The following SLC9A9 variants were observed in gnomAD, a reference collection of about 807,000 sequenced individuals.
SLC9A9 encodes the protein solute carrier family 9 member A9.
In SLC9A9, 62 loss-of-function variants were observed where a neutral mutation model predicts 77.8. That is an observed-to-expected ratio of 0.80 (90% CI 0.65 to 0.98). SLC9A9 has a LOEUF of 0.98. SLC9A9 is among the 50% of genes least tolerant of loss of function. The pLI is 0.00. For missense variants in SLC9A9, 775 were observed against 774.9 expected (o/e 1.00, Z 0.00); for synonymous variants, 320 against 283.5 (o/e 1.13, Z -1.29).
intron 6 of SLC9A9, among the ~76,000 whole-genome samples, chr3:143,631,476 G>A (rs1457258440): frequency 6.6e-6 from 1 of 152,134 alleles, no homozygotes; most frequent in Non-Finnish European, 1.5e-5. Context: ...TATTACAGGT[G>A]ACAAATTCAA....
intron 6 of SLC9A9, among the ~76,000 whole-genome samples, chr3:143,621,286 G>A (rs2038208198): frequency 6.6e-6 from 1 of 152,238 alleles, no homozygotes; most frequent in Admixed American, 6.5e-5. Context: ...CCAGCATGCA[G>A]CTGGAGATCT....
intron 14 of SLC9A9, among the ~76,000 whole-genome samples, chr3:143,324,927 C>G (rs552838040): frequency 3.3e-4 from 51 of 152,276 alleles, no homozygotes; most frequent in Non-Finnish European, 6.6e-4. Flanking sequence ...TACACTAATT[C>G]AGCTTAATCT....
intron 5 of SLC9A9, among the ~76,000 whole-genome samples, chr3:143,674,207 G>C (rs1015453465): frequency 1.3e-5 from 2 of 152,102 alleles, no homozygotes; most frequent in African/African-American, 4.8e-5. Flanking sequence ...TTAAGGAAGT[G>C]GAAAGTGAGG....
At chr3:143,747,706 T>C (rs1935228508) in intron 4 of SLC9A9, among the ~76,000 whole-genome samples, 1 of 152,198 alleles carries the variant, frequency 6.6e-6, no homozygotes, top group African/African-American at 2.4e-5. Flanking sequence ...CAACAGCCTC[T>C]GGGAAAAAAG....
intron 14 of SLC9A9, among the ~76,000 whole-genome samples, chr3:143,302,729 A>T (rs2030579754): frequency 6.6e-6 from 1 of 152,218 alleles, no homozygotes; most frequent in Non-Finnish European, 1.5e-5. Context: ...TACTGGGAAC[A>T]GACAGAATGA....
At chr3:143,723,263 T>C (rs542894266) in intron 4 of SLC9A9, among the ~76,000 whole-genome samples, 17 of 150,814 alleles carry the variant, frequency 1.1e-4, no homozygotes, top group Admixed American at 7.9e-4. Context: ...AAAAAAAAAA[T>C]GAAACAAAAA....
In SLC9A9 at chr3:143,841,871, G is replaced by A. The variant is rs552929769; in HGVS notation, c.175+6277C>T. Among the ~76,000 whole-genome samples, 496 of 151,648 alleles carry A rather than the reference G, an allele frequency of 3.3e-3. 4 individuals are homozygous for A. Among genetic ancestry groups the A allele is most frequent in the Middle Eastern group, 6.8e-3 (2 of 292 alleles). On this transcript the variant is annotated intron_variant, in intron 1 of 15. Transcript: ENST00000316549. ...TGAGTTCAAGCAATTCTCCTGCCTC[G>A]GCCTCCCGAGTAGCTCGGATTACAG...
intron 14 of SLC9A9, among the ~76,000 whole-genome samples, chr3:143,352,494 C>A (rs1684015872): frequency 7.5e-6 from 1 of 133,324 alleles, no homozygotes; most frequent in South Asian, 2.2e-4. Flanking sequence ...GTGTCTGTTT[C>A]CTTTGGAAAA....
At chr3:143,433,942 T>G (rs1473499432) in intron 12 of SLC9A9, among the ~76,000 whole-genome samples, 1 of 152,184 alleles carries the variant, frequency 6.6e-6, no homozygotes, top group Admixed American at 6.5e-5. Flanking sequence ...TGCCTTTCAC[T>G]GTCTACCTCT....
chr3:143,567,336 T>C (rs1246850791), intron 8 of SLC9A9, among the ~76,000 whole-genome samples: 1 of 152,146 alleles, frequency 6.6e-6, no homozygotes, highest in Non-Finnish European at 1.5e-5. Context: ...GCTGATTTTG[T>C]AAGTATGGCA....
chr3:143,796,938 T>C, intron 2 of SLC9A9, 35 bp from the exon 3 acceptor site: 1 of 1,520,882 alleles, frequency 6.6e-7, no homozygotes, highest in Non-Finnish European at 9.1e-7. Context: ...GTTAGAATGA[T>C]GCTCCTTTGG....
intron 6 of SLC9A9, among the ~76,000 whole-genome samples, chr3:143,588,275 C>T (rs1033537272): frequency 7.2e-5 from 11 of 152,152 alleles, no homozygotes; most frequent in African/African-American, 2.2e-4. Context: ...TTTCCAATTT[C>T]CTCCAGGCCT....
intron 4 of SLC9A9, among the ~76,000 whole-genome samples, chr3:143,790,403 C>T (rs953542556): frequency 6.6e-6 from 1 of 152,168 alleles, no homozygotes; most frequent in Admixed American, 6.5e-5. Flanking sequence ...ATATTCACAG[C>T]CAATTCTGAA....
intron 5 of SLC9A9, among the ~76,000 whole-genome samples, chr3:143,681,548 C>G (rs375117532): frequency 1.3e-3 from 202 of 152,260 alleles, no homozygotes; most frequent in Non-Finnish European, 1.1e-3. Context: ...AGCTTATATT[C>G]TAGGCATTGG....
intron 12 of SLC9A9, among the ~76,000 whole-genome samples, chr3:143,385,219 T>A (rs1576462369): frequency 6.6e-6 from 1 of 152,126 alleles, no homozygotes; most frequent in Non-Finnish European, 1.5e-5. Context: ...TGTTGACATA[T>A]TGTCCCTATG....
At chr3:143,498,853 A>C (rs2035883934) in intron 9 of SLC9A9, among the ~76,000 whole-genome samples, 1 of 152,202 alleles carries the variant, frequency 6.6e-6, no homozygotes, top group Non-Finnish European at 1.5e-5. Flanking sequence ...TTGACTCAGC[A>C]ATATGTTTGT....
chr3:143,490,766 T>C (rs12486916), intron 11 of SLC9A9, among the ~76,000 whole-genome samples: 34,699 of 152,082 alleles, frequency 0.23, 4,141 homozygotes, highest in East Asian at 0.36. Context: ...ACAGTGCCAA[T>C]GAAAGGGCTC....
intron 4 of SLC9A9, among the ~76,000 whole-genome samples, chr3:143,725,437 G>A (rs1021775863): frequency 1.6e-4 from 24 of 152,036 alleles, no homozygotes; most frequent in South Asian, 2.1e-4. Context: ...ACATGCACAC[G>A]TATGTTTATT....
intron 13 of SLC9A9, among the ~76,000 whole-genome samples, chr3:143,368,786 A>G (rs1366942223): frequency 6.6e-6 from 1 of 152,224 alleles, no homozygotes; most frequent in Non-Finnish European, 1.5e-5. Flanking sequence ...CTTTCTAATT[A>G]CCAAGGAGAG....
Sources: gnomAD v4.1 joint callset for allele counts (sites outside exome capture counted in the v4.1 genomes callset) on GRCh38, gnomAD v4.1.1 for gene constraint, MANE v1.5 for transcripts, NCBI Gene and HGNC (gene_info 2026-07-23, HGNC 2026-07-21) for gene names.